Variants in PUDP observed in about 807,000 individuals in gnomAD.
PUDP encodes the protein pseudouridine-5'-phosphatase.
PUDP carries 8 observed loss-of-function variants against 9.4 expected under a neutral mutation model. That is an observed-to-expected ratio of 0.85 (90% CI 0.50 to 1.53). The LOEUF is 1.53. PUDP is among the 40% of genes most tolerant of loss of function. The pLI, the probability that PUDP is intolerant of heterozygous loss-of-function variation, is 0.00. For synonymous variants in PUDP, 99 were observed against 80.7 expected, an observed-to-expected ratio of 1.23 and a Z score of -1.22; for missense variants, 188 against 189.7, an observed-to-expected ratio of 0.99 and a Z score of 0.05.
intron 3 of PUDP, among the ~76,000 whole-genome samples, chrX:7,050,823 A>G: frequency 8.9e-6 from 1 of 112,462 alleles, no homozygotes; most frequent in East Asian, 2.8e-4. Flanking sequence ...AGAGTGTGAG[A>G]GGCAATTGCA....
chrX:7,087,416 G>C (rs759593904), intron 2 of PUDP, among the ~76,000 whole-genome samples: 2 of 111,451 alleles, frequency 1.8e-5, no homozygotes, highest in South Asian at 7.6e-4. Context: ...CCTTGACTTC[G>C]GACTTCTAGC....
chrX:6,727,882 C>G (rs1257054837), intron 3 of PUDP, among the ~76,000 whole-genome samples: 2 of 111,516 alleles, frequency 1.8e-5, no homozygotes, highest in African/African-American at 6.5e-5. Flanking sequence ...GACTGAATGC[C>G]TGCAAATCAA....
chrX:6,924,307 T>C (rs1928069064), intron 3 of PUDP, among the ~76,000 whole-genome samples: 1 of 111,905 alleles, frequency 8.9e-6, no homozygotes, highest in African/African-American at 3.2e-5. Context: ...AGTTGCTTTA[T>C]AACTATCTGT....
chrX:7,106,761 CT>C (rs1466454375), intron 1 of PUDP, among the ~76,000 whole-genome samples: 1 of 111,831 alleles, frequency 8.9e-6, no homozygotes, highest in Non-Finnish European at 1.9e-5. Context: ...CACTAGCTGT[CT>C]TCCCCACTCT....
chrX:6,780,208 CAT>C (rs1184909606), intron 3 of PUDP, among the ~76,000 whole-genome samples: 1 of 109,234 alleles, frequency 9.2e-6, no homozygotes, highest in Non-Finnish European at 1.9e-5. Context: ...ATCAGCGTCA[CAT>C]ATGTATCTAT....
chrX:6,862,879 A>G (rs368549502), intron 3 of PUDP, among the ~76,000 whole-genome samples: 1 of 111,834 alleles, frequency 8.9e-6, no homozygotes. Flanking sequence ...AGCACCATCC[A>G]ATAGAAACAT....
At chrX:7,081,839 C>G (rs1393167890) in intron 2 of PUDP, among the ~76,000 whole-genome samples, 2 of 112,659 alleles carry the variant, frequency 1.8e-5, no homozygotes, top group East Asian at 5.6e-4. Flanking sequence ...TGAGGAAGCC[C>G]CAGATAAATG....
chrX:6,927,113 T>C (rs2146767194), intron 3 of PUDP, among the ~76,000 whole-genome samples: 1 of 108,466 alleles, frequency 9.2e-6, no homozygotes, highest in East Asian at 2.9e-4. Flanking sequence ...TTTGAATTTT[T>C]ATTAGAGATG....
intron 3 of PUDP, among the ~76,000 whole-genome samples, chrX:6,923,227 G>A (rs911013801): frequency 9.0e-6 from 1 of 111,529 alleles, no homozygotes; most frequent in Non-Finnish European, 1.9e-5. Context: ...TTAACAGGAT[G>A]TCATGTGCTC....
At chrX:6,778,918 A>C (rs776046345) in intron 3 of PUDP, among the ~76,000 whole-genome samples, 31 of 112,281 alleles carry the variant, frequency 2.8e-4, no homozygotes, top group Middle Eastern at 4.6e-3. Context: ...TCGTTGTCAA[A>C]GACTGATCAA....
intron 3 of PUDP, among the ~76,000 whole-genome samples, chrX:6,968,813 T>C (rs1928826673): frequency 9.0e-6 from 1 of 111,027 alleles, no homozygotes; most frequent in Non-Finnish European, 1.9e-5. Flanking sequence ...AGAGACAGGG[T>C]TTCACTACGT....
At chrX:6,995,400 T>C (rs1929237016) in intron 1 of PUDP, among the ~76,000 whole-genome samples, 1 of 111,821 alleles carries the variant, frequency 8.9e-6, no homozygotes, top group Non-Finnish European at 1.9e-5. Flanking sequence ...TCAGGAAGTC[T>C]TAATCCCAGA....
chrX:7,076,161 A>G (rs1930893693), intron 3 of PUDP, among the ~76,000 whole-genome samples: 4 of 111,841 alleles, frequency 3.6e-5, no homozygotes, highest in Admixed American at 9.4e-5. Context: ...AACAACAACA[A>G]AAAACAGGTC....
intron 1 of PUDP, among the ~76,000 whole-genome samples, chrX:6,982,422 T>C (rs961402898): frequency 9.1e-6 from 1 of 110,209 alleles, no homozygotes; most frequent in Non-Finnish European, 1.9e-5. Context: ...ATGCTATTGG[T>C]TGGGGATGCC....
At chrX:6,886,918 T>C (rs1278757559) in intron 3 of PUDP, among the ~76,000 whole-genome samples, 1 of 109,423 alleles carries the variant, frequency 9.1e-6, no homozygotes, top group Non-Finnish European at 1.9e-5. Flanking sequence ...ATCATGGTTG[T>C]ACCAGGAGGA....
intron 2 of PUDP, among the ~76,000 whole-genome samples, chrX:7,086,313 T>C (rs1027133359): frequency 8.9e-6 from 1 of 112,613 alleles, no homozygotes; most frequent in East Asian, 2.8e-4. Context: ...GCATATAGTA[T>C]TCACATTCAT....
chrX:6,814,807 A>G (rs1300423967), intron 3 of PUDP, among the ~76,000 whole-genome samples: 1 of 111,681 alleles, frequency 9.0e-6, no homozygotes, highest in Non-Finnish European at 1.9e-5. Context: ...CTTTTTAAAA[A>G]TTTTCAGCAC....
Position 7,148,105 on chromosome X carries a change from C to G in PUDP, c.9G>C (p.Ala3=). 8.8e-7 allele frequency: 1 copy of G among 1,130,739 alleles called. No individual in the cohort carries two copies. The highest frequency in any genetic ancestry group is 2.4e-4 in the Middle Eastern group (1 of 4,154). The allele number at this position is 1,130,739 out of a possible 1,213,427, so 93.2% of individuals were successfully genotyped here. A position where few individuals can be genotyped will look rare whatever the true frequency, so the allele number is the denominator to read the frequency against. Residue 3 remains alanine, a synonymous_variant, in exon 1 of 4, where the codon GCG becomes GCC. Transcript: ENST00000381077. ...TGAGGTGGGTGACGGGCTGCGGGGG[C>G]GCCGCCATGGTGGCGCCTTCTGGGT... MA[A]PPQPVTHLIF... is the part of the protein sequence containing the mutation.
At chrX:6,729,145 G>T (rs142470384) in intron 3 of PUDP, among the ~76,000 whole-genome samples, 2 of 111,488 alleles carry the variant, frequency 1.8e-5, no homozygotes, top group African/African-American at 6.5e-5. Context: ...AAATGACTAC[G>T]CTAAAGGGAA....
Sources: allele counts gnomAD v4.1 joint callset (sites outside exome capture counted in the v4.1 genomes callset), GRCh38; gene constraint gnomAD v4.1.1; transcripts MANE v1.5; gene names NCBI Gene and HGNC (gene_info 2026-07-23, HGNC 2026-07-21).